CACNG3: variants seen among roughly 807,000 people sequenced by gnomAD.
CACNG3 encodes the protein calcium voltage-gated channel auxiliary subunit gamma 3, also known as voltage-dependent calcium channel gamma-3 subunit.
In CACNG3, 3 loss-of-function variants were observed where a neutral mutation model predicts 28.5. The ratio of observed to expected loss-of-function variants is 0.11; its 90% CI spans 0.05 to 0.27. The LOEUF (loss-of-function observed/expected upper bound fraction) is 0.27, where lower values mean the gene tolerates loss of function less well. CACNG3 is among the 10% of genes least tolerant of loss of function. The probability of loss-of-function intolerance (pLI) is 1.00; values close to 1 mark genes in which losing one functional copy is unlikely to be tolerated. For synonymous variants in CACNG3, 174 were observed against 162.2 expected, an observed-to-expected ratio of 1.07 and a Z score of -0.55; for missense variants, 236 against 414.4, an observed-to-expected ratio of 0.57 and a Z score of 3.74.
chr16:24,259,167 T>C (rs986858568), intron 1 of CACNG3, among the ~76,000 whole-genome samples: 3 of 152,270 alleles, frequency 2.0e-5, no homozygotes, highest in African/African-American at 7.2e-5. Flanking sequence ...CCTGGCTTTT[T>C]TTGTTGTTGT....
intron 1 of CACNG3, among the ~76,000 whole-genome samples, chr16:24,330,653 C>T (rs534816884): frequency 6.6e-6 from 1 of 152,342 alleles, no homozygotes; most frequent in East Asian, 1.9e-4. Context: ...AGGTGATTCT[C>T]ATGCAAGTGG....
chr16:24,263,049 G>C (rs1248280570), intron 1 of CACNG3, among the ~76,000 whole-genome samples: 1 of 152,210 alleles, frequency 6.6e-6, no homozygotes, highest in Non-Finnish European at 1.5e-5. Context: ...ATGTAACTTT[G>C]ATTGACTCAG....
At chr16:24,307,489 A>G (rs923374857) in intron 1 of CACNG3, among the ~76,000 whole-genome samples, 2 of 152,180 alleles carry the variant, frequency 1.3e-5, no homozygotes, top group African/African-American at 4.8e-5. Context: ...TGACAGCTGC[A>G]TCACAGTCCT....
At chr16:24,351,106 G>A (rs1226176287) in intron 2 of CACNG3, among the ~76,000 whole-genome samples, 1 of 152,142 alleles carries the variant, frequency 6.6e-6, no homozygotes, top group African/African-American at 2.4e-5. Context: ...ACTCAGCAAC[G>A]ACACTAATCA....
At chr16:24,285,243 T>C (rs1223764553) in intron 1 of CACNG3, among the ~76,000 whole-genome samples, 3 of 152,204 alleles carry the variant, frequency 2.0e-5, no homozygotes, top group African/African-American at 7.2e-5. Context: ...AATCCTTTCT[T>C]AGCTATGTGG....
intron 1 of CACNG3, among the ~76,000 whole-genome samples, chr16:24,294,010 C>T (rs2141356660): frequency 6.6e-6 from 1 of 152,288 alleles, no homozygotes; most frequent in Admixed American, 6.5e-5. Context: ...ACTTCCTTGG[C>T]TGCAAGAATG....
At position 24,362,003 on chromosome 16, in the gene CACNG3, C is replaced by T; in HGVS notation, c.*140C>T. 2 of 820,040 alleles carry T rather than the reference C, an allele frequency of 2.4e-6. No homozygotes were observed. Among genetic ancestry groups the T allele is most frequent in the Non-Finnish European group, 3.7e-6 (2 of 544,302 alleles). 50.8% of individuals were successfully genotyped at this position (820,040 alleles called of 1,614,324 possible). On this transcript the variant is annotated 3_prime_UTR_variant, in exon 4 of 4. Coordinates refer to ENST00000005284, the MANE Select transcript of CACNG3 (RefSeq NM_006539.4). ...AAACCAAATGGACTCAGCCCTCTCCCACATTTTCCCCTCACCCTCCAAGTC... is the reference window on the plus strand; with the variant it reads ...AAACCAAATGGACTCAGCCCTCTCCTACATTTTCCCCTCACCCTCCAAGTC...
chr16:24,327,768 C>A (rs1026665402), intron 1 of CACNG3, among the ~76,000 whole-genome samples: 1 of 151,838 alleles, frequency 6.6e-6, no homozygotes, highest in African/African-American at 2.4e-5. Context: ...ATAGTGAGAC[C>A]ACATCTCTAC....
At chr16:24,340,852 G>T (rs1899777177) in intron 1 of CACNG3, among the ~76,000 whole-genome samples, 1 of 152,092 alleles carries the variant, frequency 6.6e-6, no homozygotes, top group Non-Finnish European at 1.5e-5. Context: ...CGTCACCTGG[G>T]CTCCTGTCCT....
chr16:24,269,739 TC>T (rs1292911335), intron 1 of CACNG3, among the ~76,000 whole-genome samples: 2 of 76,128 alleles, frequency 2.6e-5, no homozygotes, highest in African/African-American at 1.3e-4. Context: ...AGAGAGAGAC[TC>T]CATCTCAAAA....
chr16:24,259,787 T>G (rs1898515065), intron 1 of CACNG3, among the ~76,000 whole-genome samples: 1 of 152,164 alleles, frequency 6.6e-6, no homozygotes, highest in Non-Finnish European at 1.5e-5. Flanking sequence ...ATGGGAAGCT[T>G]TGGCAGGTGA....
At chr16:24,277,266 C>T (rs572620323) in intron 1 of CACNG3, among the ~76,000 whole-genome samples, 61 of 152,266 alleles carry the variant, frequency 4.0e-4, no homozygotes, top group African/African-American at 1.2e-3. Context: ...GATTATCATT[C>T]GGCATCTGGA....
At chr16:24,317,602 G>GAAAGAAAGAAAGAAAGAAAGGA (rs1567217408) in intron 1 of CACNG3, among the ~76,000 whole-genome samples, 4 of 62,516 alleles carry the variant, frequency 6.4e-5, no homozygotes, top group African/African-American at 3.0e-4. Flanking sequence ...AAGAAAGAAA[G>GAAAGAAAGAAAGAAAGAAAGGA]AAAGAAAGAA....
intron 1 of CACNG3, among the ~76,000 whole-genome samples, chr16:24,282,359 A>G (rs917537640): frequency 6.6e-6 from 1 of 151,832 alleles, no homozygotes; most frequent in African/African-American, 2.4e-5. Context: ...ATTGCGGGCT[A>G]ATCCTCCACC....
At chr16:24,310,164 A>G (rs914681774) in intron 1 of CACNG3, among the ~76,000 whole-genome samples, 7 of 150,176 alleles carry the variant, frequency 4.7e-5, no homozygotes, top group African/African-American at 1.8e-4. Flanking sequence ...TGCTTTGCAG[A>G]CTGAGTTAAC....
At chr16:24,267,941 G>A (rs1398406965) in intron 1 of CACNG3, among the ~76,000 whole-genome samples, 1 of 152,194 alleles carries the variant, frequency 6.6e-6, no homozygotes, top group African/African-American at 2.4e-5. Flanking sequence ...AGAGTGCTGG[G>A]ATTACAGCCG....
In CACNG3 at chr16:24,256,526, C is replaced by T. The variant is rs1028374136; in HGVS notation, c.-229C>T. 5.5e-5 allele frequency: 30 copies of T among 546,886 alleles called. No homozygotes were observed. Among genetic ancestry groups the T allele is most frequent in the Non-Finnish European group, 6.9e-5 (21 of 305,422 alleles). The allele number at this position is 546,886 out of a possible 1,614,324, so 33.9% of individuals were successfully genotyped here. A position where few individuals can be genotyped will look rare whatever the true frequency, so the allele number is the denominator to read the frequency against. On this transcript the variant is annotated 5_prime_UTR_variant, in exon 1 of 4. The change creates a premature stop within an existing upstream ORF in the 5' untranslated region. Coordinates refer to ENST00000005284, the MANE Select transcript of CACNG3 (RefSeq NM_006539.4). This position sits in a 1 kb window ranked among gnomAD's most constrained non-coding sequence, Gnocchi z 4.6. Reference sequence around the variant, plus strand: ...CTCAGAAGGCAGCAGTGATGCGGACCAACCCCCCGGAGCCTGCACCCTTCC... The same window carrying T: ...CTCAGAAGGCAGCAGTGATGCGGACTAACCCCCCGGAGCCTGCACCCTTCC...
At chr16:24,327,158 T>C (rs1263328816) in intron 1 of CACNG3, among the ~76,000 whole-genome samples, 1 of 85,774 alleles carries the variant, frequency 1.2e-5, no homozygotes, top group Non-Finnish European at 2.1e-5. Context: ...AAAAAAGCCA[T>C]AGCAATGAGA....
intron 1 of CACNG3, among the ~76,000 whole-genome samples, chr16:24,321,065 G>A (rs1899448664): frequency 6.6e-6 from 1 of 152,152 alleles, no homozygotes; most frequent in Non-Finnish European, 1.5e-5. Context: ...ACACTGTTCT[G>A]AGTAGTGTGA....
Sources: gnomAD v4.1 joint callset for allele counts (sites outside exome capture counted in the v4.1 genomes callset) on GRCh38, gnomAD v4.1.1 for gene constraint, Gnocchi (gnomAD v3.1) non-coding constraint, MANE v1.5 for transcripts, NCBI Gene and HGNC (gene_info 2026-07-23, HGNC 2026-07-21) for gene names.